Variants in ABL1 observed in about 807,000 individuals in gnomAD.
ABL1 encodes the protein tyrosine-protein kinase ABL1.
Under a neutral mutation model 94.7 loss-of-function variants are expected in ABL1, and 11 were observed. That is an observed-to-expected ratio of 0.12 (90% CI 0.07 to 0.19). ABL1 has a LOEUF of 0.19. ABL1 is among the 10% of genes least tolerant of loss of function. The probability of loss-of-function intolerance (pLI) is 1.00; values close to 1 mark genes in which losing one functional copy is unlikely to be tolerated. For synonymous variants in ABL1, 656 were observed against 622.4 expected (o/e 1.05, Z -0.80); for missense variants, 1,082 against 1,489.4 (o/e 0.73, Z 4.50).
At chr9:130,771,764 T>TC (rs1564285992) in intron 1 of ABL1, among the ~76,000 whole-genome samples, 1 of 69,028 alleles carries the variant, frequency 1.4e-5, no homozygotes, top group African/African-American at 5.7e-5. Context: ...TTTTTTTTTT[T>TC]TTTTTTTGAG....
intron 1 of ABL1, among the ~76,000 whole-genome samples, chr9:130,735,611 T>C (rs1034165787): frequency 3.9e-5 from 6 of 151,946 alleles, no homozygotes; most frequent in Non-Finnish European, 7.4e-5. Context: ...ATCCTCAGGA[T>C]CTCCCCATAT....
intron 1 of ABL1, among the ~76,000 whole-genome samples, chr9:130,803,218 T>C (rs1215346039): frequency 6.6e-6 from 1 of 152,108 alleles, no homozygotes; most frequent in African/African-American, 2.4e-5. Flanking sequence ...TTTTGTATTC[T>C]TAGTAGAGAA....
chr9:130,805,153 T>C (rs185791556), intron 1 of ABL1, among the ~76,000 whole-genome samples: 79 of 152,372 alleles, frequency 5.2e-4, no homozygotes, highest in African/African-American at 1.8e-3. Flanking sequence ...CTTGGCTCAC[T>C]GCAACCTCTG....
At chr9:130,813,344 G>A (rs1211166929) in intron 1 of ABL1, among the ~76,000 whole-genome samples, 10 of 151,476 alleles carry the variant, frequency 6.6e-5, no homozygotes, top group South Asian at 2.1e-4. Context: ...GGCGGATCAC[G>A]AGGTCAGGAG....
intron 1 of ABL1, among the ~76,000 whole-genome samples, chr9:130,725,757 C>T (rs1831572921): frequency 6.7e-6 from 1 of 149,606 alleles, no homozygotes; most frequent in Non-Finnish European, 1.5e-5. Flanking sequence ...AATAATATCC[C>T]ATTGTGTGTG....
At chr9:130,793,971 T>C (rs868649030) in intron 1 of ABL1, among the ~76,000 whole-genome samples, 62 of 152,168 alleles carry the variant, frequency 4.1e-4, no homozygotes, top group African/African-American at 1.4e-3. Flanking sequence ...TTGTCTCTTA[T>C]CACTCCCAGA....
intron 4 of ABL1, among the ~76,000 whole-genome samples, chr9:130,864,041 G>C (rs141832039): frequency 3.7e-4 from 57 of 152,276 alleles, no homozygotes; most frequent in Admixed American, 3.1e-3. Context: ...TTCACCCAAA[G>C]GCATAGTGAA....
At position 130,887,067 on chromosome 9, in the gene ABL1, G is replaced by A. The variant is rs778624677; in HGVS notation, c.*1384G>A. 2.0e-4 allele frequency: 47 copies of A among 232,920 alleles called. No individual in the cohort carries two copies. Among genetic ancestry groups the A allele is most frequent in the Middle Eastern group, 1.2e-3 (1 of 808 alleles). 14.4% of individuals were successfully genotyped at this position (232,920 alleles called of 1,614,324 possible). Reference sequence around the variant, plus strand: ...ATACGGGGGCTGTGACTCTGGGCAGGGACCCGGGGTCTCCTGGACCTTGAC... The same window carrying A: ...ATACGGGGGCTGTGACTCTGGGCAGAGACCCGGGGTCTCCTGGACCTTGAC... On this transcript the variant is annotated 3_prime_UTR_variant, in exon 11 of 11. Coordinates refer to ENST00000318560, the MANE Select transcript of ABL1 (RefSeq NM_005157.6).
intron 1 of ABL1, among the ~76,000 whole-genome samples, chr9:130,845,854 C>CT (rs1012007896): frequency 1.4e-4 from 21 of 146,894 alleles, no homozygotes; most frequent in Non-Finnish European, 2.1e-4. Context: ...GAGCAAAACT[C>CT]TATCTAAAAA....
At chr9:130,869,815 T>G (rs1264583115) in intron 4 of ABL1, among the ~76,000 whole-genome samples, 2 of 152,132 alleles carry the variant, frequency 1.3e-5, no homozygotes, top group Admixed American at 1.3e-4. Context: ...TAGGCTGTTT[T>G]GTTGTTGTTG....
chr9:130,822,439 CTTT>C (rs35922505), intron 1 of ABL1, among the ~76,000 whole-genome samples: 3 of 104,398 alleles, frequency 2.9e-5, no homozygotes, highest in Admixed American at 1.0e-4. Flanking sequence ...CCCGCCCCTG[CTTT>C]TTTTTTTTTT....
chr9:130,785,635 A>G lies in ABL1; in HGVS notation c.137-68429A>G, dbSNP rs544476057. Reference sequence around the variant, plus strand: ...TTTTACTCTTCTGTCATTTGTTAAAAATCTCGGCCGGGCGTGGTGGCTCAC... The same window carrying G: ...TTTTACTCTTCTGTCATTTGTTAAAGATCTCGGCCGGGCGTGGTGGCTCAC... On this transcript the variant is annotated intron_variant, in intron 1 of 10. Transcript: ENST00000372348. 1.1e-3 allele frequency among the ~76,000 whole-genome samples: 161 copies of G among 152,104 alleles called. No homozygotes were observed. In the Middle Eastern group the frequency reaches 0.014, roughly 13 times the overall value.
At chr9:130,783,854 C>T (rs774047857) in intron 1 of ABL1, among the ~76,000 whole-genome samples, 1 of 152,060 alleles carries the variant, frequency 6.6e-6, no homozygotes, top group Non-Finnish European at 1.5e-5. Context: ...CGGGGTTTCA[C>T]CATGTTGGCC....
In ABL1 at chr9:130,872,244, TCTC is replaced by T; in HGVS notation, c.907+32_907+34del. 1 of 1,597,704 alleles carries T rather than the reference TCTC, an allele frequency of 6.3e-7. No homozygotes were observed. Among genetic ancestry groups the T allele is most frequent in the Non-Finnish European group, 8.6e-7 (1 of 1,167,200 alleles). On this transcript the variant is annotated intron_variant, in intron 5 of 10. Coordinates refer to ENST00000318560, the MANE Select transcript of ABL1 (RefSeq NM_005157.6). The surrounding 1 kb of genome is among the most constrained non-coding windows in gnomAD (Gnocchi z 5.0). ...TAAGCCCGGGGCTCTGAAGAGAGGGTCTCGCGCCGCACCCCCAGGGTGACACAG... is the reference window on the plus strand; with the variant it reads ...TAAGCCCGGGGCTCTGAAGAGAGGGTGCGCCGCACCCCCAGGGTGACACAG...
intron 1 of ABL1, among the ~76,000 whole-genome samples, chr9:130,725,627 G>A (rs574417644): frequency 3.3e-5 from 5 of 152,132 alleles, no homozygotes; most frequent in African/African-American, 9.6e-5. Context: ...TGATCCGCCT[G>A]CCTAGGCCTC....
At chr9:130,755,500 C>A (rs1430377991) in intron 1 of ABL1, among the ~76,000 whole-genome samples, 1 of 152,152 alleles carries the variant, frequency 6.6e-6, no homozygotes, top group Non-Finnish European at 1.5e-5. Flanking sequence ...ATGTGTTGCT[C>A]ACTCATCACT....
chr9:130,766,065 C>G (rs533957729), intron 1 of ABL1, among the ~76,000 whole-genome samples: 1 of 152,288 alleles, frequency 6.6e-6, no homozygotes, highest in East Asian at 1.9e-4. Context: ...TGCAGGTCAT[C>G]GCCCACGACC....
chr9:130,877,641 T>C (rs1235880654), intron 7 of ABL1, among the ~76,000 whole-genome samples: 1 of 139,466 alleles, frequency 7.2e-6, no homozygotes, highest in Non-Finnish European at 1.6e-5. Context: ...CTGGTCTCCT[T>C]TTTTTTTTTT....
intron 1 of ABL1, chr9:130,714,552 C>A: frequency 6.1e-6 from 9 of 1,468,866 alleles, no homozygotes; most frequent in Non-Finnish European, 7.6e-6. Context: ...ACAGTTCCTT[C>A]CAATTCCACT....
Sources: gnomAD v4.1 joint callset for allele counts (sites outside exome capture counted in the v4.1 genomes callset) on GRCh38, gnomAD v4.1.1 for gene constraint, Gnocchi (gnomAD v3.1) non-coding constraint, MANE v1.5 for transcripts, NCBI Gene and HGNC (gene_info 2026-07-23, HGNC 2026-07-21) for gene names.